CAST: variants seen among roughly 807,000 people sequenced by gnomAD.
The protein encoded by CAST is calpastatin.
Under a neutral mutation model 119.6 loss-of-function variants are expected in CAST, and 76 were observed. The ratio of observed to expected loss-of-function variants is 0.64; its 90% CI spans 0.53 to 0.77. The LOEUF (loss-of-function observed/expected upper bound fraction) is 0.77. CAST is among the 30% of genes least tolerant of loss of function. The pLI, the probability that CAST is intolerant of heterozygous loss-of-function variation, is 0.00. For missense variants in CAST, 953 were observed against 946.5 expected, an observed-to-expected ratio of 1.01 and a Z score of -0.09; for synonymous variants, 319 against 331.6, an observed-to-expected ratio of 0.96 and a Z score of 0.41.
the CAST span, among the ~76,000 whole-genome samples, chr5:96,354,622 A>G: frequency 6.6e-6 from 1 of 151,242 alleles, no homozygotes; most frequent in African/African-American, 2.4e-5. Context: ...ACATGTTTAT[A>G]TATGTATCTG....
At chr5:96,658,479 T>C (rs1272312687), upstream of CAST, among the ~76,000 whole-genome samples, 1 of 152,166 alleles carries the variant, frequency 6.6e-6, no homozygotes, top group African/African-American at 2.4e-5. Flanking sequence ...CATTTTATGG[T>C]CTACAGAATG....
the CAST span, among the ~76,000 whole-genome samples, chr5:96,375,912 T>A: frequency 0.2 from 29,042 of 146,450 alleles, 3,578 homozygotes; most frequent in Non-Finnish European, 0.26. Context: ...TATATATATA[T>A]AAATATATAA....
At chr5:96,532,977 A>T (rs926933351) in intron 1 of CAST, among the ~76,000 whole-genome samples, 1 of 151,742 alleles carries the variant, frequency 6.6e-6, no homozygotes, top group African/African-American at 2.4e-5. Flanking sequence ...GTGAGCCATG[A>T]TTGTGCCACT....
chr5:96,755,740 T>C (rs1463037748), intron 22 of CAST, among the ~76,000 whole-genome samples: 2 of 152,250 alleles, frequency 1.3e-5, no homozygotes, highest in Non-Finnish European at 2.9e-5. Flanking sequence ...CTATCCGTGA[T>C]TGAAAGTTTA....
At chr5:96,292,255 C>A in the CAST span, among the ~76,000 whole-genome samples, 2 of 152,174 alleles carry the variant, frequency 1.3e-5, no homozygotes, top group Non-Finnish European at 2.9e-5. Context: ...AGCTTCGAGA[C>A]TTCTGTAGAT....
chr5:96,277,293 T>A, the CAST span, among the ~76,000 whole-genome samples: 1 of 152,286 alleles, frequency 6.6e-6, no homozygotes, highest in Admixed American at 6.5e-5. Flanking sequence ...ACTAATTTGT[T>A]CTTCCACAAG....
chr5:96,562,187 G>GCACACACA (rs3064111), intron 1 of CAST, among the ~76,000 whole-genome samples: 1 of 149,620 alleles, frequency 6.7e-6, no homozygotes, highest in African/African-American at 2.5e-5. Context: ...AACTTTTCAT[G>GCACACACA]CACACACACA....
intron 1 of CAST, among the ~76,000 whole-genome samples, chr5:96,582,291 A>G (rs926141302): frequency 1.3e-5 from 2 of 152,252 alleles, no homozygotes; most frequent in African/African-American, 2.4e-5. Context: ...GAATATTTTC[A>G]TTAGTATGTA....
At chr5:96,029,655 G>A in the CAST span, among the ~76,000 whole-genome samples, 16 of 151,854 alleles carry the variant, frequency 1.1e-4, no homozygotes, top group Non-Finnish European at 1.5e-4. Flanking sequence ...TTTTCCAAAC[G>A]TTAAAAATGT....
chr5:96,415,802 C>T, the CAST span, among the ~76,000 whole-genome samples: 2 of 91,126 alleles, frequency 2.2e-5, no homozygotes, highest in Middle Eastern at 4.3e-3. Context: ...TCAACATTTC[C>T]ACATTTTTTT....
At chr5:96,219,778 A>C in the CAST span, among the ~76,000 whole-genome samples, 54 of 138,606 alleles carry the variant, frequency 3.9e-4, no homozygotes, top group African/African-American at 1.9e-3. Context: ...GGAAGGAAGA[A>C]AGGAAGGAAG....
At chr5:95,972,775 C>T in the CAST span, among the ~76,000 whole-genome samples, 1 of 152,124 alleles carries the variant, frequency 6.6e-6, no homozygotes, top group Non-Finnish European at 1.5e-5. Context: ...TATCTAAGAA[C>T]TCTTTGCCTA....
intron 3 of CAST, among the ~76,000 whole-genome samples, chr5:96,696,622 G>A (rs1753319422): frequency 6.8e-6 from 1 of 146,946 alleles, no homozygotes; most frequent in Admixed American, 7.0e-5. Flanking sequence ...GGATCACCAG[G>A]AGGATCACTT....
chr5:96,169,540 G>T, the CAST span, among the ~76,000 whole-genome samples: 2 of 152,186 alleles, frequency 1.3e-5, no homozygotes, highest in African/African-American at 4.8e-5. Flanking sequence ...TGGGGGAATT[G>T]TAAGGAGAGT....
At chr5:96,574,387 C>T (rs1746628652) in intron 1 of CAST, among the ~76,000 whole-genome samples, 1 of 152,152 alleles carries the variant, frequency 6.6e-6, no homozygotes, top group Non-Finnish European at 1.5e-5. Context: ...TGGATTGATT[C>T]ATTTTGTTCT....
At chr5:96,175,242 G>A in the CAST span, among the ~76,000 whole-genome samples, 2 of 152,132 alleles carry the variant, frequency 1.3e-5, no homozygotes, top group African/African-American at 2.4e-5. Context: ...TCAGTTGGCC[G>A]GTTAGTACAT....
the CAST span, among the ~76,000 whole-genome samples, chr5:96,082,074 T>C: frequency 1.3e-5 from 2 of 152,072 alleles, no homozygotes; most frequent in Non-Finnish European, 2.9e-5. Context: ...CTACCACACC[T>C]GGCTAATTTT....
At position 96,773,073 on chromosome 5, in the gene CAST, T is replaced by C. The variant is rs1248083714; in HGVS notation, c.*457T>C. 1 of 153,924 alleles carries C rather than the reference T, an allele frequency of 6.5e-6. No homozygotes were observed. Among genetic ancestry groups the C allele is most frequent in the Non-Finnish European group, 1.5e-5 (1 of 68,028 alleles). The allele number at this position is 153,924 out of a possible 1,614,324, so 9.5% of individuals were successfully genotyped here. A position where few individuals can be genotyped will look rare whatever the true frequency, so the allele number is the denominator to read the frequency against. ...AAACATTCTTCAGTGTTCTGATTTC[T>C]TATTACCCCCTTTCCTCTTGGGCTT... On this transcript the variant is annotated 3_prime_UTR_variant, in exon 32 of 32. Transcript: ENST00000675179.
At chr5:96,246,987 A>ATTACAAATATGGTTTATTTTAC in the CAST span, among the ~76,000 whole-genome samples, 3 of 152,230 alleles carry the variant, frequency 2.0e-5, no homozygotes, top group African/African-American at 7.2e-5. Context: ...TGGAAGTCTG[A>ATTACAAATATGGTTTATTTTAC]TTACAAATAT....
Sources: gnomAD v4.1 joint callset for allele counts (sites outside exome capture counted in the v4.1 genomes callset) on GRCh38, gnomAD v4.1.1 for gene constraint, MANE v1.5 for transcripts, NCBI Gene and HGNC (gene_info 2026-07-23, HGNC 2026-07-21) for gene names.